PDPN: variants seen among roughly 807,000 people sequenced by gnomAD.
The protein encoded by PDPN is PA2.26 antigen.
Under a neutral mutation model 23.2 loss-of-function variants are expected in PDPN, and 12 were observed. The ratio of observed to expected loss-of-function variants is 0.52; its 90% CI spans 0.33 to 0.84. The LOEUF is 0.84. Among genes scored for constraint, PDPN ranks in the 40% least tolerant of loss-of-function variants. The probability of loss-of-function intolerance (pLI) is 0.02; values close to 1 mark genes in which losing one functional copy is unlikely to be tolerated. For synonymous variants in PDPN, 77 were observed against 76.7 expected, an observed-to-expected ratio of 1.00 and a Z score of -0.02; for missense variants, 199 against 212.2, an observed-to-expected ratio of 0.94 and a Z score of 0.39.
intron 5 of PDPN, among the ~76,000 whole-genome samples, chr1:13,614,692 C>CA (rs913712584): frequency 2.6e-5 from 4 of 152,150 alleles, no homozygotes; most frequent in African/African-American, 9.7e-5. Flanking sequence ...GAGGCTGAGG[C>CA]AGGAGGTTCA....
At chr1:13,599,938 C>T (rs1046615012) in intron 1 of PDPN, among the ~76,000 whole-genome samples, 1 of 152,176 alleles carries the variant, frequency 6.6e-6, no homozygotes, top group Admixed American at 6.6e-5. Context: ...TGCTGCTGCT[C>T]AAAGCAACAC....
chr1:13,602,682 C>T (rs896251013), intron 1 of PDPN, among the ~76,000 whole-genome samples: 1 of 152,092 alleles, frequency 6.6e-6, no homozygotes, highest in Non-Finnish European at 1.5e-5. Flanking sequence ...CCCGCCTCAG[C>T]CTCCCCAGTA....
Position 13,607,306 on chromosome 1 carries a change from G to C in PDPN, c.201G>C (p.Leu67=). ...EDRYKSGLTT[L]VATSVNSVTG... ...GCTATAAGTCTGGCTTGACAACTCT[G>C]GTCAGTGTCCTGGGAAGAGAGGAAT... The change falls in exon 2 of 6, where the codon CTG becomes CTC. Residue 67 remains leucine, a splice_region_variant and synonymous_variant. Transcript: ENST00000621990. 1 of 1,613,636 alleles carries C rather than the reference G, an allele frequency of 6.2e-7. No individual in the cohort carries two copies. Among genetic ancestry groups the C allele is most frequent in the Non-Finnish European group, 8.5e-7 (1 of 1,179,752 alleles).
In PDPN at chr1:13,584,451, C is replaced by T. The variant is rs143134488; in HGVS notation, c.67+351C>T. The T allele has an allele frequency of 8.2e-4, 591 of 722,962 alleles. 11 individuals are homozygous for T. The East Asian group carries it at 0.015, about 18-fold the overall frequency. 44.8% of individuals were successfully genotyped at this position (722,962 alleles called of 1,614,324 possible). On this transcript the variant is annotated intron_variant, in intron 1 of 5. Coordinates refer to ENST00000621990, the MANE Select transcript of PDPN (RefSeq NM_006474.5). ...GGCAGCAGTGGCTGGGGTTTCCTTCCCATAGAGCGGTGTGTTGGAGGAATA... is the reference window on the plus strand; with the variant it reads ...GGCAGCAGTGGCTGGGGTTTCCTTCTCATAGAGCGGTGTGTTGGAGGAATA...
At chr1:13,603,943 G>A (rs573055933) in intron 1 of PDPN, among the ~76,000 whole-genome samples, 8 of 152,110 alleles carry the variant, frequency 5.3e-5, no homozygotes, top group East Asian at 1.9e-4. Flanking sequence ...TAAGTGGATC[G>A]TTTGCTGCCG....
In PDPN at chr1:13,599,373, C is replaced by CTTTTTTT. The variant is rs70984267; in HGVS notation, c.68-7776_68-7770dup. On this transcript the variant is annotated intron_variant, in intron 1 of 5. Transcript: ENST00000621990. Reference sequence around the variant, plus strand: ...TATCTTGATGTGTTCGAGAAGCTATCTTTTTTTTTTTTTTTTTTTTTTTTT... The same window carrying CTTTTTTT: ...TATCTTGATGTGTTCGAGAAGCTATCTTTTTTTTTTTTTTTTTTTTTTTTTTTTTTTT... Among the ~76,000 whole-genome samples, 10 of 77,084 alleles carry CTTTTTTT rather than the reference C, an allele frequency of 1.3e-4. 2 individuals carry two copies. Among genetic ancestry groups the CTTTTTTT allele is most frequent in the African/African-American group, 5.8e-4 (10 of 17,334 alleles). 50.6% of individuals were successfully genotyped at this position (77,084 alleles called of 152,430 possible). A position where few individuals can be genotyped will look rare whatever the true frequency, so the allele number is the denominator to read the frequency against.
chr1:13,593,405 C>T (rs183173842), intron 1 of PDPN, among the ~76,000 whole-genome samples: 63 of 152,248 alleles, frequency 4.1e-4, no homozygotes, highest in African/African-American at 1.4e-3. Flanking sequence ...ATGAAGTTTG[C>T]TGCTTGAATT....
At chr1:13,594,830 CAA>C (rs71570150) in intron 1 of PDPN, among the ~76,000 whole-genome samples, 6 of 130,530 alleles carry the variant, frequency 4.6e-5, no homozygotes, top group East Asian at 2.2e-4. Context: ...ACTAAAAATA[CAA>C]AAAAAAAAAA....
chr1:13,584,141 G>T (rs747068653), intron 1 of PDPN, 41 bp downstream of exon 1: 25 of 1,601,170 alleles, frequency 1.6e-5, no homozygotes, highest in Non-Finnish European at 2.0e-5. Context: ...TCGCTGATGG[G>T]GACGAGCGAG....
Position 13,614,273 on chromosome 1 carries a change from C to T in PDPN, c.371-27C>T, listed in dbSNP as rs778394046. 4 of 1,237,360 alleles carry T rather than the reference C, an allele frequency of 3.2e-6. No individual in the cohort carries two copies. In the East Asian group the frequency reaches 7.0e-5, roughly 22 times the overall value. The allele number at this position is 1,237,360 out of a possible 1,614,324, so 76.6% of individuals were successfully genotyped here. A position where few individuals can be genotyped will look rare whatever the true frequency, so the allele number is the denominator to read the frequency against. On this transcript the variant is annotated intron_variant, in intron 4 of 5. Coordinates refer to ENST00000621990, the MANE Select transcript of PDPN (RefSeq NM_006474.5). Reference sequence around the variant, plus strand: ...CCGATGTATTTTTTCCTCTGGGGCTCATGCTTTTTTTCTCTCTCTTGTTCA... The same window carrying T: ...CCGATGTATTTTTTCCTCTGGGGCTTATGCTTTTTTTCTCTCTCTTGTTCA...
At chr1:13,604,948 C>T (rs548876652) in intron 1 of PDPN, among the ~76,000 whole-genome samples, 10 of 152,250 alleles carry the variant, frequency 6.6e-5, no homozygotes, top group South Asian at 4.1e-4. Context: ...TGGAAATATT[C>T]GGTTATTGCT....
chr1:13,590,487 G>T (rs1456459116), intron 1 of PDPN, among the ~76,000 whole-genome samples: 1 of 152,256 alleles, frequency 6.6e-6, no homozygotes, highest in Non-Finnish European at 1.5e-5. Context: ...GCCTTGTGGG[G>T]AAGATGCGAC....
chr1:13,599,011 C>CTTTTTTATTTTTTTTTTT (rs1640568696), intron 1 of PDPN, among the ~76,000 whole-genome samples: 2 of 127,056 alleles, frequency 1.6e-5, no homozygotes, highest in South Asian at 5.1e-4. Flanking sequence ...GCCCCCCCTC[C>CTTTTTTATTTTTTTTTTT]TTTTTTTTTT....
At chr1:13,607,147 G>T in intron 1 of PDPN, 26 bp from the exon 2 acceptor site, 1 of 1,610,458 alleles carries the variant, frequency 6.2e-7, no homozygotes, top group Non-Finnish European at 8.5e-7. Flanking sequence ...TCCACCTTAA[G>T]CTCTGACTCA....
chr1:13,599,871 G>A (rs1640597792), intron 1 of PDPN, among the ~76,000 whole-genome samples: 1 of 152,180 alleles, frequency 6.6e-6, no homozygotes, highest in South Asian at 2.1e-4. Context: ...ACTCATGCAG[G>A]CTTCAGTCTT....
At chr1:13,604,075 G>T (rs1001940734) in intron 1 of PDPN, among the ~76,000 whole-genome samples, 1 of 152,134 alleles carries the variant, frequency 6.6e-6, no homozygotes, top group Admixed American at 6.5e-5. Context: ...TGTGGGTATT[G>T]GTTTATGATG....
chr1:13,613,243 T>A (rs1210308834), intron 3 of PDPN, among the ~76,000 whole-genome samples: 2 of 152,206 alleles, frequency 1.3e-5, no homozygotes, highest in African/African-American at 4.8e-5. Flanking sequence ...CTTGGTCACA[T>A]CTTCCCAAAC....
intron 2 of PDPN, among the ~76,000 whole-genome samples, chr1:13,607,977 C>T (rs556371379): frequency 6.6e-6 from 1 of 152,182 alleles, no homozygotes; most frequent in South Asian, 2.1e-4. Context: ...TGGCTGTGTG[C>T]ACCTGTGATC....
At chr1:13,590,447 G>T (rs1042226291) in intron 1 of PDPN, among the ~76,000 whole-genome samples, 4 of 152,342 alleles carry the variant, frequency 2.6e-5, no homozygotes, top group African/African-American at 9.6e-5. Context: ...AGATAAGAGA[G>T]AATCTTGGGG....
Sources: allele counts gnomAD v4.1 joint callset (sites outside exome capture counted in the v4.1 genomes callset), GRCh38; gene constraint gnomAD v4.1.1; transcripts MANE v1.5; gene names NCBI Gene and HGNC (gene_info 2026-07-23, HGNC 2026-07-21).